The following PABPC1L variants were observed in gnomAD, a reference collection of about 807,000 sequenced individuals.
The protein encoded by PABPC1L is poly(A) binding protein cytoplasmic 1 like, also known as polyadenylate-binding protein 1-like.
Under a neutral mutation model 66.6 loss-of-function variants are expected in PABPC1L, and 31 were observed. The observed-to-expected ratio is 0.47, with a 90% confidence interval of 0.35 to 0.63. PABPC1L has a LOEUF of 0.63. PABPC1L is among the 20% of genes least tolerant of loss of function. The pLI is 0.00. For missense variants in PABPC1L, 722 were observed against 848.8 expected (o/e 0.85, Z 1.86); for synonymous variants, 348 against 335.1 (o/e 1.04, Z -0.42).
At chr20:44,935,289 C>T (rs1208575476) in intron 10 of PABPC1L, 102 bp from the exon 11 acceptor site, 7 of 819,110 alleles carry the variant, frequency 8.5e-6, no homozygotes, top group Admixed American at 2.2e-5. Context: ...TTCTTGTCAA[C>T]GCTTGTTATT....
rs746446877 is a variant in PABPC1L at position 44,916,768 on chromosome 20, G to A, written c.400G>A (p.Glu134Lys). ...CCCTGTGGCCCAGGTGGCGTGTGAC[G>A]AGCATGGCTCCCGGGGTTTCGGCTT... ...NILSCKVACD[E>K]HGSRGFGFVH... The change falls in exon 3 of 15, where the codon GAG becomes AAG. Residue 134 changes from glutamate (E) to lysine (K), a missense_variant. By Grantham distance (56) the Glu-to-Lys change is moderately conservative (BLOSUM62 1). This residue lies in a region of PABPC1L where 284 missense variants were observed against 294.8 expected (regional missense o/e 0.96). Transcript: ENST00000217073. 71 of 1,614,050 alleles carry A rather than the reference G, an allele frequency of 4.4e-5. No homozygotes were observed. The highest frequency in any genetic ancestry group is 5.6e-5 in the Non-Finnish European group (66 of 1,180,042).
At chr20:44,932,989 G>T in intron 9 of PABPC1L, 68 bp from the exon 10 acceptor site, 1 of 1,068,824 alleles carries the variant, frequency 9.4e-7, no homozygotes, top group Non-Finnish European at 1.4e-6. Flanking sequence ...TCTAGGCACA[G>T]TGTGCCACCC....
At chr20:44,920,873 C>T (rs898375777) in intron 5 of PABPC1L, among the ~76,000 whole-genome samples, 6 of 152,060 alleles carry the variant, frequency 3.9e-5, no homozygotes, top group Admixed American at 3.3e-4. Context: ...AGTGCAGTGG[C>T]GTGATCTCAG....
intron 2 of PABPC1L, among the ~76,000 whole-genome samples, chr20:44,914,081 G>T (rs2066722294): frequency 6.6e-6 from 1 of 152,138 alleles, no homozygotes; most frequent in Admixed American, 6.5e-5. Flanking sequence ...GGAACAGAGG[G>T]CTTAAACCTG....
At position 44,933,086 on chromosome 20, in the gene PABPC1L, C is replaced by T. The variant is rs528831419; in HGVS notation, c.1360C>T (p.Arg454Trp). Reference sequence around the variant, plus strand: ...CTACCCTCCAGGTGCCTCAATGGTCCGGCCACCAGTTGTGCCTCGGCGCCC... The same window carrying T: ...CTACCCTCCAGGTGCCTCAATGGTCTGGCCACCAGTTGTGCCTCGGCGCCC... ...SAYPPGASMV[R>W]PPVVPRRPPA... Residue 454 changes from arginine to tryptophan, a missense_variant, in exon 10 of 15, where the codon CGG (arginine) becomes TGG (tryptophan). Transcript: ENST00000217073. The T allele has an allele frequency of 1.2e-4, 197 of 1,599,266 alleles. 1 individual carries two copies. In the South Asian group the frequency reaches 1.7e-3, roughly 14 times the overall value.
At chr20:44,910,371 C>T (rs1450676412) in intron 1 of PABPC1L, 35 bp downstream of exon 1, 14 of 1,448,020 alleles carry the variant, frequency 9.7e-6, no homozygotes, top group Non-Finnish European at 1.1e-5. Flanking sequence ...GGGGAAGGAC[C>T]GACGGACAAG....
At chr20:44,928,012 GA>G (rs35457306) in intron 7 of PABPC1L, among the ~76,000 whole-genome samples, 1 of 151,984 alleles carries the variant, frequency 6.6e-6, no homozygotes. Context: ...AAATCATACT[GA>G]AAAAATATAA....
intron 2 of PABPC1L, 34 bp from the exon 3 acceptor site, chr20:44,916,722 A>G (rs1208358573): frequency 4.4e-6 from 7 of 1,598,276 alleles, no homozygotes; most frequent in African/African-American, 2.7e-5. Context: ...ACCCTCTGTC[A>G]GTACTCTTCC....
Position 44,918,953 on chromosome 20 carries a change from G to A in PABPC1L, c.551G>A (p.Gly184Glu). 1 of 1,612,144 alleles carries A rather than the reference G, an allele frequency of 6.2e-7. No individual in the cohort carries two copies. Among genetic ancestry groups the A allele is most frequent in the Non-Finnish European group, 8.5e-7 (1 of 1,179,028 alleles). The change falls in exon 4 of 15, where the codon GGG becomes GAG. Residue 184 changes from glycine (G) to glutamate (E), a missense_variant. Physicochemically the swap from Gly to Glu is moderately conservative, Grantham distance 98. Around this residue, in one of 3 missense-constraint regions of PABPC1L, gnomAD observed 284 missense variants for 294.8 expected, o/e 0.96. Transcript: ENST00000217073. ...KSRREREAEL[G>E]ARALEFTNIY... ...CGACGGGAGCGGGAGGCGGAGCTGG[G>A]GGCGCGGGCCCTGGAGTTCACCAAC...
At chr20:44,925,869 A>G (rs192184965) in intron 7 of PABPC1L, among the ~76,000 whole-genome samples, 259 of 152,348 alleles carry the variant, frequency 1.7e-3, no homozygotes, top group African/African-American at 5.9e-3. Context: ...AAAGTTAATC[A>G]GGTTTAAATG....
At chr20:44,934,079 A>G (rs1036840339) in intron 10 of PABPC1L, among the ~76,000 whole-genome samples, 3 of 152,166 alleles carry the variant, frequency 2.0e-5, no homozygotes, top group African/African-American at 7.2e-5. Flanking sequence ...GAGATCATGC[A>G]TGAAAGGGCT....
intron 7 of PABPC1L, among the ~76,000 whole-genome samples, chr20:44,926,373 C>T (rs1319249144): frequency 6.6e-6 from 1 of 151,634 alleles, no homozygotes; most frequent in Non-Finnish European, 1.5e-5. Context: ...ATTACAGGCA[C>T]CTGCCACCAT....
At chr20:44,926,472 G>A (rs1375911280) in intron 7 of PABPC1L, among the ~76,000 whole-genome samples, 3 of 151,696 alleles carry the variant, frequency 2.0e-5, no homozygotes, top group Non-Finnish European at 2.9e-5. Flanking sequence ...TAATCCGCCC[G>A]CCTCAGCCTC....
chr20:44,918,883 G>A, intron 3 of PABPC1L, 23 bp from the exon 4 acceptor site: 2 of 1,551,856 alleles, frequency 1.3e-6, no homozygotes, highest in Non-Finnish European at 1.7e-6. Flanking sequence ...CCACAGCCAT[G>A]AGCCAGTGTG....
At chr20:44,931,020 TC>T (rs58482156) in intron 8 of PABPC1L, among the ~76,000 whole-genome samples, 1,035 of 21,956 alleles carry the variant, frequency 0.047, 11 homozygotes, top group South Asian at 0.076. Flanking sequence ...TTCCTTCCCT[TC>T]CCTCCCTTCC....
At chr20:44,925,813 A>C (rs1286880151) in intron 7 of PABPC1L, among the ~76,000 whole-genome samples, 2 of 152,242 alleles carry the variant, frequency 1.3e-5, no homozygotes, top group Non-Finnish European at 2.9e-5. Context: ...TTCCAAGCAA[A>C]TGCATATACA....
At chr20:44,919,745 A>G (rs1803360793) in intron 5 of PABPC1L, among the ~76,000 whole-genome samples, 1 of 152,114 alleles carries the variant, frequency 6.6e-6, no homozygotes, top group South Asian at 2.1e-4. Flanking sequence ...GCACTTGGGG[A>G]GGCTGGGTGG....
At chr20:44,912,027 A>G (rs1189309568) in intron 1 of PABPC1L, among the ~76,000 whole-genome samples, 1 of 152,200 alleles carries the variant, frequency 6.6e-6, no homozygotes, top group African/African-American at 2.4e-5. Flanking sequence ...CAAAGTTACA[A>G]ACAAGGCACT....
chr20:44,928,880 A>G (rs1358011986), intron 7 of PABPC1L, among the ~76,000 whole-genome samples: 32 of 150,496 alleles, frequency 2.1e-4, no homozygotes, highest in Admixed American at 5.3e-4. Flanking sequence ...AAAAAAAAAA[A>G]AAAAAGAAAA....
Sources: allele counts gnomAD v4.1 joint callset (sites outside exome capture counted in the v4.1 genomes callset), GRCh38; gene constraint gnomAD v4.1.1; regional missense constraint gnomAD v4.1.1; transcripts MANE v1.5; gene names NCBI Gene and HGNC (gene_info 2026-07-23, HGNC 2026-07-21).